Variants in KL observed in about 807,000 individuals in gnomAD.
The protein encoded by KL is klotho.
KL carries 62 observed loss-of-function variants against 84.2 expected under a neutral mutation model. The observed-to-expected ratio is 0.74, with a 90% confidence interval of 0.60 to 0.91. The LOEUF is 0.91. Among genes scored for constraint, KL ranks in the 40% least tolerant of loss-of-function variants. The pLI, the probability that KL is intolerant of heterozygous loss-of-function variation, is 0.00. For synonymous variants in KL, 528 were observed against 528.0 expected (o/e 1.00, Z 0.00); for missense variants, 1,261 against 1,305.7 (o/e 0.97, Z 0.53).
chr13:33,057,609 G>A (rs9527033), intron 3 of KL, among the ~76,000 whole-genome samples: 10,429 of 152,048 alleles, frequency 0.069, 365 homozygotes, highest in Non-Finnish European at 0.082. Flanking sequence ...CCTCCTCCTG[G>A]CAGTCTCCTC....
chr13:33,062,755 G>A (rs1434538908), intron 4 of KL, among the ~76,000 whole-genome samples: 6 of 150,814 alleles, frequency 4.0e-5, no homozygotes, highest in Non-Finnish European at 2.9e-5. Flanking sequence ...TTAACAACCA[G>A]GTCCAGGTTT....
chr13:33,016,792 C>T lies in KL; in HGVS notation c.352C>T (p.Gln118Ter). ...SLPLGAPSPL[Q>*]PATGDVASDS... is the part of the protein sequence containing the mutation. ...GCCGTTGGGCGCCCCGTCGCCGCTG[C>T]AGCCCGCCACCGGGGACGTAGCCAG... is the stretch of plus-strand genomic sequence containing the variant. The change falls in exon 1 of 5, where the codon CAG (glutamine) becomes TAG (stop). Residue 118 changes from glutamine to a stop codon, truncating the protein, a stop_gained. Coordinates refer to ENST00000380099, the MANE Select transcript of KL (RefSeq NM_004795.4). LOFTEE classifies it high-confidence loss of function. 3 of 1,612,220 alleles carry T rather than the reference C, an allele frequency of 1.9e-6. No individual in the cohort carries two copies. The highest frequency in any genetic ancestry group is 1.7e-5 in the Admixed American group (1 of 59,976).
intron 1 of KL, among the ~76,000 whole-genome samples, chr13:33,025,008 A>G (rs1221815250): frequency 6.6e-6 from 1 of 150,818 alleles, no homozygotes; most frequent in Non-Finnish European, 1.5e-5. Context: ...GGGCCTTTTT[A>G]CTCCTTCCTG....
At chr13:33,035,529 C>T (rs539685179) in intron 1 of KL, among the ~76,000 whole-genome samples, 114 of 152,274 alleles carry the variant, frequency 7.5e-4, no homozygotes, top group Admixed American at 2.1e-3. Flanking sequence ...ACTGATGAAC[C>T]ATGGAATACT....
chr13:33,036,304 G>C (rs1051265152), intron 1 of KL, among the ~76,000 whole-genome samples: 1 of 151,854 alleles, frequency 6.6e-6, no homozygotes, highest in South Asian at 2.1e-4. Context: ...AACCATTACT[G>C]TCAAGGTGGG....
intron 1 of KL, among the ~76,000 whole-genome samples, chr13:33,049,771 AAACAG>A (rs1274166209): frequency 6.6e-6 from 1 of 152,180 alleles, no homozygotes; most frequent in African/African-American, 2.4e-5. Flanking sequence ...AATAACCATC[AAACAG>A]GCCTGCCATC....
chr13:33,033,888 T>A (rs867213611), intron 1 of KL, among the ~76,000 whole-genome samples: 10 of 151,886 alleles, frequency 6.6e-5, no homozygotes, highest in South Asian at 2.1e-4. Flanking sequence ...ATCATTTTTT[T>A]AAAAAAGATA....
At chr13:33,062,672 C>CAAAAAAAAA (rs35287139) in intron 4 of KL, among the ~76,000 whole-genome samples, 1 of 68,090 alleles carries the variant, frequency 1.5e-5, no homozygotes, top group African/African-American at 6.0e-5. Flanking sequence ...GACTCCATCT[C>CAAAAAAAAA]AAAAAAAAAA....
At chr13:33,062,576 G>T (rs1433128397) in intron 4 of KL, among the ~76,000 whole-genome samples, 2 of 148,110 alleles carry the variant, frequency 1.4e-5, no homozygotes, top group Non-Finnish European at 3.0e-5. Context: ...GGGAGGCTGA[G>T]GCAGAAGAAT....
At chr13:33,031,368 G>A (rs1359325199) in intron 1 of KL, among the ~76,000 whole-genome samples, 2 of 152,212 alleles carry the variant, frequency 1.3e-5, no homozygotes, top group Admixed American at 1.3e-4. Context: ...GAAGAGCTCT[G>A]GGTGAAAAAG....
At chr13:33,018,381 T>A (rs890606413) in intron 1 of KL, among the ~76,000 whole-genome samples, 37 of 152,194 alleles carry the variant, frequency 2.4e-4, no homozygotes, top group Non-Finnish European at 4.3e-4. Context: ...AAGCCATAGA[T>A]AATATGGGCA....
chr13:33,040,341 G>A (rs1871294016), intron 1 of KL, among the ~76,000 whole-genome samples: 1 of 152,184 alleles, frequency 6.6e-6, no homozygotes, highest in South Asian at 2.1e-4. Context: ...GAAGTCCTCA[G>A]ACAATGTAAT....
chr13:33,031,094 T>G (rs1484404145), intron 1 of KL, among the ~76,000 whole-genome samples: 2 of 152,236 alleles, frequency 1.3e-5, no homozygotes, highest in Admixed American at 1.3e-4. Context: ...AGCTTTTAAC[T>G]TTAAAGAGCC....
chr13:33,040,058 G>A (rs1040129723), intron 1 of KL, among the ~76,000 whole-genome samples: 1 of 152,170 alleles, frequency 6.6e-6, no homozygotes, highest in African/African-American at 2.4e-5. Flanking sequence ...CCTTGCATTG[G>A]TTAAATCCTG....
At chr13:33,021,993 A>T (rs1400872928) in intron 1 of KL, among the ~76,000 whole-genome samples, 4 of 152,248 alleles carry the variant, frequency 2.6e-5, no homozygotes, top group Non-Finnish European at 4.4e-5. Context: ...AATAGTTAAA[A>T]TATCTCCCAA....
chr13:33,042,888 G>A (rs1159060437), intron 1 of KL, among the ~76,000 whole-genome samples: 1 of 151,974 alleles, frequency 6.6e-6, no homozygotes, highest in Admixed American at 6.6e-5. Context: ...CACCATGTTG[G>A]TCAGGCTGGT....
At chr13:33,051,057 T>A (rs191702618) in intron 1 of KL, among the ~76,000 whole-genome samples, 7 of 152,342 alleles carry the variant, frequency 4.6e-5, no homozygotes, top group Admixed American at 4.6e-4. Context: ...CCACCTGCAA[T>A]ATTCTTCCTT....
Position 33,016,565 on chromosome 13 carries a change from G to C in KL, c.125G>C (p.Trp42Ser). 6.8e-7 allele frequency: 1 copy of C among 1,475,426 alleles called. No homozygotes were observed. Among genetic ancestry groups the C allele is most frequent in the Admixed American group, 2.4e-5 (1 of 41,038 alleles). 91.4% of individuals were successfully genotyped at this position (1,475,426 alleles called of 1,614,324 possible). Reference protein sequence around the residue: ...RAEPGDGAQTWARFSRPPAPE... With the variant: ...RAEPGDGAQTSARFSRPPAPE... ...GAGCCGGGCGACGGCGCGCAGACCT[G>C]GGCCCGTTTCTCGCGGCCTCCTGCC... Residue 42 changes from tryptophan to serine, a missense_variant, in exon 1 of 5, where the codon TGG becomes TCG. Transcript: ENST00000380099.
chr13:33,061,045 G>C lies in KL; in HGVS notation c.1966G>C (p.Ala656Pro). 6.2e-7 allele frequency: 1 copy of C among 1,611,852 alleles called. No homozygotes were observed. Among genetic ancestry groups the C allele is most frequent in the Non-Finnish European group, 8.5e-7 (1 of 1,178,324 alleles). Residue 656 changes from alanine to proline, a missense_variant, in exon 4 of 5, where the codon GCC becomes CCC. Ala to Pro is a conservative substitution (Grantham distance 27). Transcript: ENST00000380099. ...GCCGCGCCTCCTGGCCAGGCAGGGC[G>C]CCTGGGAGAACCCCTACACTGCCCT... is the stretch of plus-strand genomic sequence containing the variant. ...GLPRLLARQG[A>P]WENPYTALAF...
Sources: allele counts gnomAD v4.1 joint callset (sites outside exome capture counted in the v4.1 genomes callset), GRCh38; gene constraint gnomAD v4.1.1; transcripts MANE v1.5; gene names NCBI Gene and HGNC (gene_info 2026-07-23, HGNC 2026-07-21).